STX12: variants seen among roughly 807,000 people sequenced by gnomAD.
The protein encoded by STX12 is syntaxin-12.
In STX12, 17 loss-of-function variants were observed where a neutral mutation model predicts 42.2. That is an observed-to-expected ratio of 0.40 (90% CI 0.28 to 0.60). The LOEUF is 0.60. STX12 is among the 20% of genes least tolerant of loss of function. The pLI is 0.39. For synonymous variants in STX12, 108 were observed against 116.7 expected (o/e 0.93, Z 0.48); for missense variants, 297 against 330.9 (o/e 0.90, Z 0.79).
chr1:27,800,059 T>C (rs988307434), intron 3 of STX12, among the ~76,000 whole-genome samples: 2 of 152,258 alleles, frequency 1.3e-5, no homozygotes, highest in Non-Finnish European at 2.9e-5. Context: ...CCGGCCTAGC[T>C]TGGCATTTAA....
At chr1:27,787,177 G>A (rs2088704479) in intron 1 of STX12, among the ~76,000 whole-genome samples, 1 of 152,142 alleles carries the variant, frequency 6.6e-6, no homozygotes, top group Non-Finnish European at 1.5e-5. Context: ...AATCTGAAGT[G>A]CTACCAGCCT....
At chr1:27,792,073 TATAA>T (rs1222256274) in intron 2 of STX12, among the ~76,000 whole-genome samples, 13 of 141,856 alleles carry the variant, frequency 9.2e-5, no homozygotes, top group African/African-American at 2.9e-4. Context: ...ATATATAAAA[TATAA>T]ATATAGTATA....
intron 3 of STX12, among the ~76,000 whole-genome samples, chr1:27,799,936 A>G (rs2088816038): frequency 6.6e-6 from 1 of 152,170 alleles, no homozygotes; most frequent in African/African-American, 2.4e-5. Context: ...TATTTTTAGT[A>G]GTGATGGGGT....
intron 3 of STX12, among the ~76,000 whole-genome samples, chr1:27,798,780 CAAA>C (rs61253983): frequency 7.3e-5 from 4 of 54,532 alleles, no homozygotes; most frequent in African/African-American, 1.3e-4. Context: ...GACTCCGTCT[CAAA>C]AAAAAAAAAA....
At chr1:27,793,698 G>GA in intron 3 of STX12, 66 bp downstream of exon 3, 1 of 1,342,596 alleles carries the variant, frequency 7.4e-7, no homozygotes, top group African/African-American at 1.5e-5. Context: ...GCAGTGTGTA[G>GA]AACAAAAAAA....
chr1:27,812,570 T>C (rs2088910769), intron 6 of STX12, among the ~76,000 whole-genome samples: 2 of 152,026 alleles, frequency 1.3e-5, no homozygotes. Flanking sequence ...GACTCTCGAG[T>C]AGCTGGGATT....
chr1:27,797,747 A>G (rs1253938489), intron 3 of STX12, among the ~76,000 whole-genome samples: 1 of 152,032 alleles, frequency 6.6e-6, no homozygotes, highest in East Asian at 1.9e-4. Flanking sequence ...TGAGTTTCTC[A>G]TGTTTCTCCC....
intron 3 of STX12, among the ~76,000 whole-genome samples, chr1:27,795,638 C>CA (rs1476144484): frequency 2.7e-5 from 4 of 150,892 alleles, no homozygotes; most frequent in South Asian, 4.2e-4. Context: ...AAATCTCTGT[C>CA]AAAAAAAAAT....
intron 2 of STX12, among the ~76,000 whole-genome samples, chr1:27,791,122 A>T (rs972914395): frequency 1.3e-5 from 2 of 151,706 alleles, no homozygotes; most frequent in African/African-American, 2.4e-5. Context: ...TTAGCTGGGC[A>T]TGGTGGCGCG....
chr1:27,789,697 A>T, intron 2 of STX12, 66 bp downstream of exon 2: 2 of 1,240,388 alleles, frequency 1.6e-6, no homozygotes, highest in Non-Finnish European at 2.3e-6. Context: ...TCCTTGCCAG[A>T]CAGCAGCTTA....
chr1:27,791,455 C>T (rs2148599911), intron 2 of STX12, among the ~76,000 whole-genome samples: 1 of 152,244 alleles, frequency 6.6e-6, no homozygotes, highest in Admixed American at 6.5e-5. Context: ...AGTAGGGACT[C>T]CTGATTCTTT....
At chr1:27,796,658 C>T (rs1218098307) in intron 3 of STX12, among the ~76,000 whole-genome samples, 1 of 151,744 alleles carries the variant, frequency 6.6e-6, no homozygotes, top group Non-Finnish European at 1.5e-5. Context: ...TCCCAAAGTG[C>T]TGGAATTACA....
rs549516802 is a variant in STX12 at position 27,804,952 on chromosome 1, A to G, written c.426+3137A>G. On this transcript the variant is annotated intron_variant, in intron 4 of 8. Coordinates refer to ENST00000373943, the MANE Select transcript of STX12 (RefSeq NM_177424.3). ...GGGAGGCCTCAGGAAACTTACAGTC[A>G]TGGTAGAAGACACCTCTTCACAGGA... 5.9e-5 allele frequency among the ~76,000 whole-genome samples: 9 copies of G among 152,310 alleles called. No individual in the cohort carries two copies. In the South Asian group the frequency reaches 1.2e-3, roughly 21 times the overall value.
chr1:27,792,198 A>C lies in STX12; in HGVS notation c.189-1335A>C, dbSNP rs959995898. On this transcript the variant is annotated intron_variant, in intron 2 of 8. Transcript: ENST00000373943. ...CATATATATGTATCTATATATGTAT[A>C]TACATATATATGTATCTATATATAT... Among the ~76,000 whole-genome samples the C allele has an allele frequency of 2.6e-3, 354 of 134,828 alleles. 11 individuals carry two copies. Among genetic ancestry groups the C allele is most frequent in the African/African-American group, 6.8e-3 (255 of 37,276 alleles). The allele number at this position is 134,828 out of a possible 152,430, so 88.5% of individuals were successfully genotyped here.
chr1:27,821,314 A>T (rs2148609254), intron 8 of STX12, among the ~76,000 whole-genome samples: 1 of 152,312 alleles, frequency 6.6e-6, no homozygotes, highest in Non-Finnish European at 1.5e-5. Flanking sequence ...AGTGTCCAAC[A>T]GTAAAGGAAT....
At chr1:27,814,584 C>T (rs2088927714) in intron 6 of STX12, among the ~76,000 whole-genome samples, 1 of 152,034 alleles carries the variant, frequency 6.6e-6, no homozygotes. Flanking sequence ...CGCGGTGGCT[C>T]ATGCCTGTAA....
intron 1 of STX12, among the ~76,000 whole-genome samples, chr1:27,776,771 C>T (rs954225228): frequency 1.2e-4 from 19 of 152,140 alleles, no homozygotes; most frequent in Non-Finnish European, 7.3e-5. Flanking sequence ...GCAGTTAACA[C>T]TTCAGGTTTA....
chr1:27,786,266 T>A (rs2088697698), intron 1 of STX12, among the ~76,000 whole-genome samples: 1 of 151,906 alleles, frequency 6.6e-6, no homozygotes. Flanking sequence ...TCAAGTACCC[T>A]TGCTTTGGGG....
chr1:27,788,035 T>C (rs2088710788), intron 1 of STX12, among the ~76,000 whole-genome samples: 1 of 152,176 alleles, frequency 6.6e-6, no homozygotes, highest in Non-Finnish European at 1.5e-5. Flanking sequence ...CCAGAGAGGA[T>C]AGAAAGGGCT....
Sources: gnomAD v4.1 joint callset for allele counts (sites outside exome capture counted in the v4.1 genomes callset) on GRCh38, gnomAD v4.1.1 for gene constraint, MANE v1.5 for transcripts, NCBI Gene and HGNC (gene_info 2026-07-23, HGNC 2026-07-21) for gene names.